The following WDR25 variants were observed in gnomAD, a reference collection of about 807,000 sequenced individuals.
WDR25 encodes the protein WD repeat-containing protein 25.
In WDR25, 35 loss-of-function variants were observed where a neutral mutation model predicts 47.7. The ratio of observed to expected loss-of-function variants is 0.73; its 90% CI spans 0.56 to 0.97. WDR25 has a LOEUF of 0.97. Among genes scored for constraint, WDR25 ranks in the 50% least tolerant of loss-of-function variants. The pLI is 0.00. For missense variants in WDR25, 634 were observed against 704.7 expected, an observed-to-expected ratio of 0.90 and a Z score of 1.14; for synonymous variants, 248 against 278.9, an observed-to-expected ratio of 0.89 and a Z score of 1.10.
At chr14:100,435,990 T>A (rs1898489497) in intron 2 of WDR25, among the ~76,000 whole-genome samples, 1 of 152,138 alleles carries the variant, frequency 6.6e-6, no homozygotes, top group African/African-American at 2.4e-5. Flanking sequence ...GAGCAAATCA[T>A]TAATCTTTTT....
chr14:100,491,596 C>T lies in WDR25; in HGVS notation c.1101+7472C>T, dbSNP rs531584094. 1.4e-4 allele frequency among the ~76,000 whole-genome samples: 21 copies of T among 152,334 alleles called. No individual in the cohort carries two copies. In the South Asian group the frequency reaches 3.5e-3, roughly 26 times the overall value. On this transcript the variant is annotated intron_variant, in intron 4 of 6. Coordinates refer to ENST00000402312, the MANE Select transcript of WDR25 (RefSeq NM_001161476.3). ...GCTATACCGTCGAGGTTCGTGTAAGCGCATGATGTTCACGCAATGACAAAA... is the reference window on the plus strand; with the variant it reads ...GCTATACCGTCGAGGTTCGTGTAAGTGCATGATGTTCACGCAATGACAAAA...
At chr14:100,471,197 T>C (rs996358228) in intron 3 of WDR25, among the ~76,000 whole-genome samples, 1 of 152,064 alleles carries the variant, frequency 6.6e-6, no homozygotes, top group African/African-American at 2.4e-5. Flanking sequence ...GGGAGCTCCA[T>C]GAGGATGGGA....
At chr14:100,402,511 C>T (rs1897410069) in intron 2 of WDR25, among the ~76,000 whole-genome samples, 2 of 152,128 alleles carry the variant, frequency 1.3e-5, no homozygotes, top group South Asian at 2.1e-4. Flanking sequence ...CAGAGTGATG[C>T]GCTGTCAGCC....
At chr14:100,462,132 T>C (rs1381645758) in intron 2 of WDR25, among the ~76,000 whole-genome samples, 3 of 152,200 alleles carry the variant, frequency 2.0e-5, no homozygotes, top group Non-Finnish European at 1.5e-5. Flanking sequence ...GTTCAATCTT[T>C]GGAGACTGTG....
intron 2 of WDR25, among the ~76,000 whole-genome samples, chr14:100,400,278 G>A (rs752797069): frequency 3.3e-5 from 5 of 152,190 alleles, no homozygotes; most frequent in African/African-American, 9.7e-5. Context: ...CAGTTCTGCC[G>A]TACAACCCAC....
intron 2 of WDR25, among the ~76,000 whole-genome samples, chr14:100,467,081 C>T (rs2140295198): frequency 2.0e-5 from 3 of 152,290 alleles, no homozygotes; most frequent in Non-Finnish European, 4.4e-5. Flanking sequence ...AGCCTCATAC[C>T]CTCATGAAAG....
In WDR25 at chr14:100,502,985, GTGTGTGTGTCCATCCATGCA is replaced by G. The variant is rs965480383; in HGVS notation, c.1101+18891_1101+18910del. Among the ~76,000 whole-genome samples the G allele has an allele frequency of 7.2e-5, 11 of 152,086 alleles. No individual in the cohort carries two copies. Among genetic ancestry groups the G allele is most frequent in the East Asian group, 5.8e-4 (3 of 5,176 alleles). ...TGTGTCTGTATGTGTGTCGGTGCAT[GTGTGTGTGTCCATCCATGCA>G]TGTGTGTGTCCATCCATGCATGTGT... On this transcript the variant is annotated intron_variant, in intron 4 of 6. Coordinates refer to ENST00000402312, the MANE Select transcript of WDR25 (RefSeq NM_001161476.3). The surrounding 1 kb of genome is among the most constrained non-coding windows in gnomAD (Gnocchi z 4.5).
intron 2 of WDR25, among the ~76,000 whole-genome samples, chr14:100,441,247 T>G (rs1243173080): frequency 6.6e-6 from 1 of 152,174 alleles, no homozygotes; most frequent in Non-Finnish European, 1.5e-5. Context: ...TGCCAGGTCC[T>G]GTGTGTGATA....
At position 100,424,183 on chromosome 14, in the gene WDR25, G is replaced by A. The variant is rs952670121; in HGVS notation, c.822+42437G>A. Among the ~76,000 whole-genome samples, 1 of 152,226 alleles carries A rather than the reference G, an allele frequency of 6.6e-6. No individual in the cohort carries two copies. The highest frequency in any genetic ancestry group is 1.5e-5 in the Non-Finnish European group (1 of 68,042). ...GGGCGAGGCCTCCCAGGCTGGCTGGGTGAGTGTTCCTGAGCCCAGGCACTT... is the reference window on the plus strand; with the variant it reads ...GGGCGAGGCCTCCCAGGCTGGCTGGATGAGTGTTCCTGAGCCCAGGCACTT... On this transcript the variant is annotated intron_variant, in intron 2 of 6. Transcript: ENST00000402312. The surrounding 1 kb of genome is among the most constrained non-coding windows in gnomAD (Gnocchi z 4.2).
intron 2 of WDR25, among the ~76,000 whole-genome samples, chr14:100,412,218 A>G (rs1487346670): frequency 6.6e-6 from 1 of 151,988 alleles, no homozygotes; most frequent in Non-Finnish European, 1.5e-5. Flanking sequence ...AAAAAAAAAA[A>G]AAAAAAAAAG....
chr14:100,396,560 T>G (rs73361411), intron 2 of WDR25, among the ~76,000 whole-genome samples: 17,462 of 152,136 alleles, frequency 0.11, 2,355 homozygotes, highest in African/African-American at 0.33. Context: ...GTGGCACAAG[T>G]TTGCCCAGTT....
In WDR25 at chr14:100,498,506, C is replaced by T. The variant is rs111649294; in HGVS notation, c.1101+14382C>T. Reference sequence around the variant, plus strand: ...TCACTCATTTGCTCATTGAACACTGCGGAGCACCTGCTGTTTATAGGGTGT... The same window carrying T: ...TCACTCATTTGCTCATTGAACACTGTGGAGCACCTGCTGTTTATAGGGTGT... On this transcript the variant is annotated intron_variant, in intron 4 of 6. Transcript: ENST00000402312. This position sits in a 1 kb window ranked among gnomAD's most constrained non-coding sequence, Gnocchi z 4.2. 7.4e-3 allele frequency among the ~76,000 whole-genome samples: 1,131 copies of T among 152,266 alleles called. 27 individuals are homozygous for T. The highest frequency in any genetic ancestry group is 0.026 in the African/African-American group (1,069 of 41,538).
intron 4 of WDR25, among the ~76,000 whole-genome samples, chr14:100,520,416 G>T (rs1295388180): frequency 1.3e-5 from 2 of 151,872 alleles, no homozygotes; most frequent in Non-Finnish European, 2.9e-5. Flanking sequence ...ACAATGAAAC[G>T]ACTGAAAACA....
In WDR25 at chr14:100,491,633, C is replaced by T. The variant is rs147975240; in HGVS notation, c.1101+7509C>T. ...ACGCAATGACAAAATCGCCTGATGA[C>T]GCATTTCCCAGACTGTATCCCTGTC... On this transcript the variant is annotated intron_variant, in intron 4 of 6. Transcript: ENST00000402312. Among the ~76,000 whole-genome samples, 128 of 152,314 alleles carry T rather than the reference C, an allele frequency of 8.4e-4. 2 individuals are homozygous for T. The highest frequency in any genetic ancestry group is 2.8e-3 in the African/African-American group (116 of 41,574).
At chr14:100,493,497 T>A (rs1342954668) in intron 4 of WDR25, among the ~76,000 whole-genome samples, 1 of 152,204 alleles carries the variant, frequency 6.6e-6, no homozygotes, top group Non-Finnish European at 1.5e-5. Context: ...AGGAGTTTTA[T>A]GTTCACAGAA....
intron 4 of WDR25, among the ~76,000 whole-genome samples, chr14:100,521,199 C>G (rs1314309466): frequency 1.9e-4 from 29 of 151,660 alleles, no homozygotes; most frequent in African/African-American, 7.1e-4. Context: ...CACACACACA[C>G]ACACAGAGAG....
chr14:100,384,722 C>T (rs1458144470), intron 2 of WDR25, among the ~76,000 whole-genome samples: 1 of 152,136 alleles, frequency 6.6e-6, no homozygotes, highest in African/African-American at 2.4e-5. Flanking sequence ...ATGGAATGAG[C>T]TCAAAGAGGC....
Position 100,464,060 on chromosome 14 carries a change from C to T in WDR25, c.823-3961C>T, listed in dbSNP as rs79442585. On this transcript the variant is annotated intron_variant, in intron 2 of 6. Transcript: ENST00000402312. ...AACCAGCCCTCATTCCCCTCCGTTC[C>T]ACCTGCAGAACCCTGGGATGCCCCA... 5.3e-5 allele frequency among the ~76,000 whole-genome samples: 8 copies of T among 152,302 alleles called. No homozygotes were observed. The East Asian group carries it at 1.5e-3, about 29-fold the overall frequency.
At chr14:100,528,054 T>C (rs2030271041) in intron 5 of WDR25, among the ~76,000 whole-genome samples, 1 of 152,148 alleles carries the variant, frequency 6.6e-6, no homozygotes. Context: ...ATTTTGGCTG[T>C]GTGGGTCCCT....
Sources: gnomAD v4.1 joint callset for allele counts (sites outside exome capture counted in the v4.1 genomes callset) on GRCh38, gnomAD v4.1.1 for gene constraint, Gnocchi (gnomAD v3.1) non-coding constraint, MANE v1.5 for transcripts, NCBI Gene and HGNC (gene_info 2026-07-23, HGNC 2026-07-21) for gene names.